Variants in PGR observed in about 807,000 individuals in gnomAD.
PGR encodes nuclear receptor subfamily 3 group C member 3.
Under a neutral mutation model 76.1 loss-of-function variants are expected in PGR, and 25 were observed. The ratio of observed to expected loss-of-function variants is 0.33; its 90% CI spans 0.24 to 0.46. PGR has a LOEUF of 0.46. Among genes scored for constraint, PGR ranks in the 20% least tolerant of loss-of-function variants. PGR has a pLI of 1.00. For synonymous variants in PGR, 579 were observed against 535.0 expected, an observed-to-expected ratio of 1.08 and a Z score of -1.14; for missense variants, 1,172 against 1,225.3, an observed-to-expected ratio of 0.96 and a Z score of 0.65.
At chr11:101,063,019 T>C (rs1860571874) in intron 3 of PGR, 2 of 351,236 alleles carry the variant, frequency 5.7e-6, no homozygotes, top group South Asian at 6.3e-5. Flanking sequence ...TGTGGGTAAT[T>C]ATACCAGTAT....
At chr11:101,102,798 C>A (rs1862034685) in intron 2 of PGR, among the ~76,000 whole-genome samples, 1 of 123,516 alleles carries the variant, frequency 8.1e-6, no homozygotes, top group African/African-American at 3.1e-5. Context: ...AGTCCCTAAT[C>A]TTTTTTGCAC....
chr11:101,118,893 T>C (rs945562150), intron 2 of PGR, among the ~76,000 whole-genome samples: 1 of 152,190 alleles, frequency 6.6e-6, no homozygotes, highest in Non-Finnish European at 1.5e-5. Flanking sequence ...TGTTCTTAAA[T>C]GACAATGGAG....
At chr11:101,041,836 A>G (rs879171599) in intron 7 of PGR, 109 bp downstream of exon 7, 7 of 963,312 alleles carry the variant, frequency 7.3e-6, no homozygotes, top group Middle Eastern at 3.1e-4. Flanking sequence ...TTAACATACA[A>G]GTATTAATCT....
chr11:101,051,219 A>G (rs995688607), intron 5 of PGR, among the ~76,000 whole-genome samples: 5 of 152,110 alleles, frequency 3.3e-5, no homozygotes, highest in African/African-American at 1.2e-4. Context: ...TTCTTGATAC[A>G]TTCTTGATGT....
At chr11:101,088,167 C>CA (rs957247410) in intron 3 of PGR, among the ~76,000 whole-genome samples, 2 of 152,092 alleles carry the variant, frequency 1.3e-5, no homozygotes, top group Admixed American at 6.6e-5. Context: ...CACAGCACTC[C>CA]AGTCTGGGTG....
intron 2 of PGR, among the ~76,000 whole-genome samples, chr11:101,122,623 T>A (rs186214396): frequency 7.9e-5 from 12 of 152,352 alleles, no homozygotes; most frequent in Non-Finnish European, 1.5e-5. Context: ...AACTGGTTTT[T>A]GGCCAATACT....
In PGR at chr11:101,040,069, T is replaced by A. The variant is rs140240325; in HGVS notation, c.2647-798A>T. Among the ~76,000 whole-genome samples the A allele has an allele frequency of 5.6e-4, 81 of 144,488 alleles. 1 individual carries two copies. The East Asian group carries it at 0.015, about 27-fold the overall frequency. 94.8% of individuals were successfully genotyped at this position (144,488 alleles called of 152,430 possible). On this transcript the variant is annotated intron_variant, in intron 7 of 7. Coordinates refer to ENST00000325455, the MANE Select transcript of PGR (RefSeq NM_000926.4). The stretch of plus-strand genomic sequence containing the variant: ...ATATCCAGCATTTATATCATAAAGA[T>A]TTTTTTATGGTTTTCTGCTGGATTG...
chr11:101,065,065 C>T (rs1307453057), intron 3 of PGR, among the ~76,000 whole-genome samples: 1 of 152,178 alleles, frequency 6.6e-6, no homozygotes, highest in Non-Finnish European at 1.5e-5. Flanking sequence ...AAATTGACTA[C>T]TTCATGACAC....
intron 3 of PGR, among the ~76,000 whole-genome samples, chr11:101,082,645 TG>T (rs764990937): frequency 1.2e-4 from 18 of 152,336 alleles, no homozygotes; most frequent in Non-Finnish European, 2.6e-4. Context: ...CCTAGAGATC[TG>T]TGAAGCTTTG....
chr11:101,113,782 C>G (rs904518368), intron 2 of PGR, among the ~76,000 whole-genome samples: 1 of 152,128 alleles, frequency 6.6e-6, no homozygotes, highest in Non-Finnish European at 1.5e-5. Context: ...GGATTGTTGC[C>G]TGCAATAGGG....
chr11:101,065,024 G>C (rs1177367763), intron 3 of PGR, among the ~76,000 whole-genome samples: 1 of 152,194 alleles, frequency 6.6e-6, no homozygotes, highest in Non-Finnish European at 1.5e-5. Context: ...ATCTAAGTCT[G>C]CGTAAATGCA....
chr11:101,037,842 C>G lies in PGR; in HGVS notation c.*1274G>C, dbSNP rs1352887123. ...CAGAGAGAAAATGTCATTCAACTCT[C>G]AGTCAGCAAACACTATTGACCACTT... On this transcript the variant is annotated 3_prime_UTR_variant, in exon 8 of 8. Transcript: ENST00000325455. 11 of 222,186 alleles carry G rather than the reference C, an allele frequency of 5.0e-5. No homozygotes were observed. 13.8% of individuals were successfully genotyped at this position (222,186 alleles called of 1,614,324 possible).
At chr11:101,065,000 T>C (rs958776195) in intron 3 of PGR, among the ~76,000 whole-genome samples, 1 of 152,234 alleles carries the variant, frequency 6.6e-6, no homozygotes, top group African/African-American at 2.4e-5. Flanking sequence ...CCTAGGTGTG[T>C]AGTAGGCTAT....
Position 101,051,441 on chromosome 11 carries a change from A to G in PGR, c.2340T>C (p.Pro780=). Residue 780 remains proline (P), a synonymous_variant, in exon 5 of 8, where the codon CCT becomes CCC. Coordinates refer to ENST00000325455, the MANE Select transcript of PGR (RefSeq NM_000926.4). ...CTACTTACTCATTTAGTATTAGATC[A>G]GGTGCAAAATACAGCATCTGCCCAC... ...HVSGQMLYFA[P]DLILNEQRMK... 6.2e-7 allele frequency: 1 copy of G among 1,607,738 alleles called. No homozygotes were observed. The highest frequency in any genetic ancestry group is 8.5e-7 in the Non-Finnish European group (1 of 1,174,524).
At chr11:101,121,888 C>CG (rs1862689325) in intron 2 of PGR, among the ~76,000 whole-genome samples, 1 of 151,980 alleles carries the variant, frequency 6.6e-6, no homozygotes, top group Non-Finnish European at 1.5e-5. Context: ...GAGGACAGGC[C>CG]AGGTGTGGTG....
At chr11:101,061,262 T>C (rs763806836) in intron 4 of PGR, among the ~76,000 whole-genome samples, 1 of 152,174 alleles carries the variant, frequency 6.6e-6, no homozygotes, top group Non-Finnish European at 1.5e-5. Context: ...TTATTGTCTG[T>C]TTAAGGCCTT....
At position 101,039,097 on chromosome 11, in the gene PGR, T is replaced by A. The variant is rs746231488; in HGVS notation, c.*19A>T. ...AGACATACCACAAAATTTAATTCTT[T>A]AAAAGAAAAAGATGACATTCACTTT... On this transcript the variant is annotated 3_prime_UTR_variant, in exon 8 of 8. Transcript: ENST00000325455. The A allele has an allele frequency of 4.0e-5, 64 of 1,603,092 alleles. No individual in the cohort carries two copies. Among genetic ancestry groups the A allele is most frequent in the Middle Eastern group, 1.7e-4 (1 of 6,050 alleles).
intron 2 of PGR, among the ~76,000 whole-genome samples, chr11:101,107,885 GAA>G (rs202145921): frequency 0.17 from 17,221 of 104,308 alleles, 1,463 homozygotes; most frequent in Non-Finnish European, 0.22. Context: ...AAAAAAGAAA[GAA>G]AAAGGTAGAA....
chr11:101,048,691 T>C (rs1859977254), intron 6 of PGR, among the ~76,000 whole-genome samples: 1 of 152,174 alleles, frequency 6.6e-6, no homozygotes, highest in Admixed American at 6.5e-5. Flanking sequence ...GAGTGAGTGG[T>C]GACAGAATGT....
Sources: gnomAD v4.1 joint callset for allele counts (sites outside exome capture counted in the v4.1 genomes callset) on GRCh38, gnomAD v4.1.1 for gene constraint, MANE v1.5 for transcripts, NCBI Gene and HGNC (gene_info 2026-07-23, HGNC 2026-07-21) for gene names.